The following VRK2 variants were observed in gnomAD, a reference collection of about 807,000 sequenced individuals.
VRK2 encodes the protein VRK serine/threonine kinase 2.
In VRK2, 60 loss-of-function variants were observed where a neutral mutation model predicts 57.6. That is an observed-to-expected ratio of 1.04 (90% CI 0.85 to 1.29). The LOEUF (loss-of-function observed/expected upper bound fraction) is 1.29. VRK2 is among the 50% of genes most tolerant of loss of function. The probability of loss-of-function intolerance (pLI) is 0.00; values close to 1 mark genes in which losing one functional copy is unlikely to be tolerated. For synonymous variants in VRK2, 231 were observed against 199.2 expected, an observed-to-expected ratio of 1.16 and a Z score of -1.35; for missense variants, 705 against 588.1, an observed-to-expected ratio of 1.20 and a Z score of -2.06.
intron 12 of VRK2, among the ~76,000 whole-genome samples, chr2:58,157,109 T>C (rs2104727699): frequency 6.6e-6 from 1 of 152,326 alleles, no homozygotes; most frequent in South Asian, 2.1e-4. Flanking sequence ...CTGTGTTATT[T>C]TCCCTTCCTG....
chr2:57,928,732 T>C (rs932706333), intron 1 of VRK2, among the ~76,000 whole-genome samples: 8 of 152,216 alleles, frequency 5.3e-5, no homozygotes, highest in Non-Finnish European at 8.8e-5. Flanking sequence ...TTATAATCTA[T>C]GTTTTTAGTC....
At chr2:57,966,294 G>A (rs1415116240) in intron 1 of VRK2, among the ~76,000 whole-genome samples, 1 of 152,164 alleles carries the variant, frequency 6.6e-6, no homozygotes, top group Admixed American at 6.5e-5. Flanking sequence ...AGGATCAAGG[G>A]CAAGCAGCAA....
intron 2 of VRK2, among the ~76,000 whole-genome samples, chr2:58,030,008 G>A (rs1468914699): frequency 1.3e-5 from 2 of 152,010 alleles, no homozygotes; most frequent in Non-Finnish European, 2.9e-5. Context: ...TTTCATCTAC[G>A]TTAGCAACTC....
At chr2:58,136,421 G>C (rs1573325807) in intron 10 of VRK2, among the ~76,000 whole-genome samples, 1 of 148,178 alleles carries the variant, frequency 6.7e-6, no homozygotes, top group East Asian at 2.0e-4. Flanking sequence ...GTCTCGCTCT[G>C]TCACCCAGGC....
intron 8 of VRK2, among the ~76,000 whole-genome samples, chr2:58,130,389 A>G (rs1003083996): frequency 6.6e-6 from 1 of 152,200 alleles, no homozygotes; most frequent in Middle Eastern, 3.4e-3. Flanking sequence ...TGTGGTAGAG[A>G]TTGTGTTTTT....
At chr2:58,137,195 T>TATATCATATATGATAC in intron 10 of VRK2, among the ~76,000 whole-genome samples, 1 of 23,090 alleles carries the variant, frequency 4.3e-5, no homozygotes, top group South Asian at 1.5e-3. Context: ...ATATGATACA[T>TATATCATATATGATAC]ATATATCTCA....
At chr2:58,121,906 G>A (rs1485055420) in intron 7 of VRK2, among the ~76,000 whole-genome samples, 3 of 152,140 alleles carry the variant, frequency 2.0e-5, no homozygotes, top group Non-Finnish European at 4.4e-5. Flanking sequence ...TAAATGTCTA[G>A]TCAAAACACT....
chr2:58,028,901 TAA>T (rs1491243770), intron 2 of VRK2, among the ~76,000 whole-genome samples: 486 of 36,038 alleles, frequency 0.013, no homozygotes, highest in South Asian at 0.025. Context: ...AATAAATAAA[TAA>T]ATATATATAT....
chr2:57,911,771 G>C (rs1262499014), intron 1 of VRK2, among the ~76,000 whole-genome samples: 1 of 152,144 alleles, frequency 6.6e-6, no homozygotes, highest in Non-Finnish European at 1.5e-5. Flanking sequence ...ACTGAAATCT[G>C]AAAATCAGAC....
At chr2:57,942,601 T>C (rs772367211) in intron 1 of VRK2, among the ~76,000 whole-genome samples, 1 of 152,218 alleles carries the variant, frequency 6.6e-6, no homozygotes, top group Non-Finnish European at 1.5e-5. Flanking sequence ...TGCCTGTGTG[T>C]ATGCTTTTTA....
At chr2:58,001,163 C>T (rs1673077606) in intron 1 of VRK2, among the ~76,000 whole-genome samples, 2 of 152,092 alleles carry the variant, frequency 1.3e-5, no homozygotes, top group South Asian at 2.1e-4. Context: ...TAGGATAAAC[C>T]GAACTATTTT....
At chr2:58,059,905 T>C (rs1677076924) in intron 2 of VRK2, among the ~76,000 whole-genome samples, 1 of 151,780 alleles carries the variant, frequency 6.6e-6, no homozygotes. Context: ...CTTGAGCAGT[T>C]ACAGGGATAT....
At chr2:58,111,492 C>G (rs1375593733) in intron 7 of VRK2, among the ~76,000 whole-genome samples, 1 of 152,138 alleles carries the variant, frequency 6.6e-6, no homozygotes. Context: ...GCAGCTCACG[C>G]CTGTAACCCA....
chr2:57,937,886 C>A (rs1183032667), intron 1 of VRK2, among the ~76,000 whole-genome samples: 1 of 131,026 alleles, frequency 7.6e-6, no homozygotes, highest in East Asian at 2.3e-4. Flanking sequence ...GGCTGGAGTG[C>A]AATGGCATGA....
intron 1 of VRK2, among the ~76,000 whole-genome samples, chr2:58,000,393 G>C (rs1055915113): frequency 6.6e-6 from 1 of 152,144 alleles, no homozygotes; most frequent in Admixed American, 6.5e-5. Flanking sequence ...TTTACATTAA[G>C]GAAAATCAGG....
chr2:57,952,290 T>A (rs543661640), intron 1 of VRK2, among the ~76,000 whole-genome samples: 43 of 152,206 alleles, frequency 2.8e-4, no homozygotes, highest in African/African-American at 1.0e-3. Context: ...TATGCCTGTA[T>A]AAAGGCAGAG....
chr2:57,956,576 T>G (rs1671592401), intron 1 of VRK2, among the ~76,000 whole-genome samples: 1 of 152,184 alleles, frequency 6.6e-6, no homozygotes, highest in African/African-American at 2.4e-5. Flanking sequence ...CTTTTTCATT[T>G]GAACACTACA....
At chr2:57,984,240 T>C (rs1460828118) in intron 1 of VRK2, among the ~76,000 whole-genome samples, 1 of 151,788 alleles carries the variant, frequency 6.6e-6, no homozygotes, top group African/African-American at 2.4e-5. Context: ...TTTTTTAAAG[T>C]GACAATCAAG....
chr2:57,995,810 A>G (rs964409344), intron 1 of VRK2, among the ~76,000 whole-genome samples: 1 of 152,144 alleles, frequency 6.6e-6, no homozygotes, highest in Non-Finnish European at 1.5e-5. Flanking sequence ...CTGTGAGTCC[A>G]CTTTGGTACT....
Sources: allele counts gnomAD v4.1 joint callset (sites outside exome capture counted in the v4.1 genomes callset), GRCh38; gene constraint gnomAD v4.1.1; transcripts MANE v1.5; gene names NCBI Gene and HGNC (gene_info 2026-07-23, HGNC 2026-07-21).